RNF111: variants seen among roughly 807,000 people sequenced by gnomAD.
RNF111 encodes the protein E3 ubiquitin-protein ligase Arkadia.
Under a neutral mutation model 95.1 loss-of-function variants are expected in RNF111, and 17 were observed. The ratio of observed to expected loss-of-function variants is 0.18; its 90% confidence interval spans 0.12 to 0.27. RNF111 has a LOEUF of 0.27. Ranked by LOEUF, RNF111 falls within the 10% of genes least tolerant of loss-of-function variation. The pLI is 1.00. For synonymous variants in RNF111, 440 were observed against 414.8 expected (o/e 1.06, Z -0.74); for missense variants, 1,189 against 1,210.4 (o/e 0.98, Z 0.26).
At chr15:59,000,325 G>A (rs1175256138) in intron 1 of RNF111, among the ~76,000 whole-genome samples, 6 of 151,754 alleles carry the variant, frequency 4.0e-5, no homozygotes, top group African/African-American at 1.5e-4. Flanking sequence ...CACCACACTT[G>A]GCTCATTTTT....
rs759048789 is a variant in RNF111 at position 59,094,915 on chromosome 15, A to C, written c.*15A>C. ...GTGAAAGTTGACACCATGTTTCAGA[A>C]CTCTTGCCCTCCCTCTCATTCCCAT... On this transcript the variant is annotated 3_prime_UTR_variant, in exon 14 of 14. Coordinates refer to ENST00000348370, the MANE Select transcript of RNF111 (RefSeq NM_017610.8). 44 of 1,418,296 alleles carry C rather than the reference A, an allele frequency of 3.1e-5. No homozygotes were observed. The highest frequency in any genetic ancestry group is 4.1e-5 in the Non-Finnish European group (41 of 1,001,696). The allele number at this position is 1,418,296 out of a possible 1,614,324, so 87.9% of individuals were successfully genotyped here.
At chr15:59,016,798 G>T (rs2040088284) in intron 1 of RNF111, among the ~76,000 whole-genome samples, 1 of 152,168 alleles carries the variant, frequency 6.6e-6, no homozygotes, top group Admixed American at 6.5e-5. Context: ...TGGTGGATGA[G>T]TAGTGAAGCT....
chr15:59,085,079 G>A (rs1396253073), intron 9 of RNF111, among the ~76,000 whole-genome samples: 3 of 152,170 alleles, frequency 2.0e-5, no homozygotes, highest in African/African-American at 7.2e-5. Context: ...TTAATTTTCT[G>A]AATCCATTGT....
chr15:59,007,479 T>A (rs1185259814), intron 1 of RNF111, among the ~76,000 whole-genome samples: 1 of 152,228 alleles, frequency 6.6e-6, no homozygotes, highest in Non-Finnish European at 1.5e-5. Context: ...ACTTGGAGAT[T>A]TATTTTTTCT....
At chr15:59,070,331 C>G (rs1271103982) in intron 6 of RNF111, among the ~76,000 whole-genome samples, 2 of 151,850 alleles carry the variant, frequency 1.3e-5, no homozygotes, top group African/African-American at 4.8e-5. Flanking sequence ...TTTTTATTTT[C>G]CCTTTATTCT....
chr15:59,074,263 A>G (rs1596280584), intron 6 of RNF111, among the ~76,000 whole-genome samples: 1 of 152,212 alleles, frequency 6.6e-6, no homozygotes, highest in East Asian at 1.9e-4. Context: ...AGACCCTAAC[A>G]AGAATCATCC....
chr15:59,036,864 C>T (rs1229496231), intron 2 of RNF111, among the ~76,000 whole-genome samples: 1 of 152,066 alleles, frequency 6.6e-6, no homozygotes. Flanking sequence ...ACAGTCTTAT[C>T]TGTTGTCCAG....
intron 6 of RNF111, among the ~76,000 whole-genome samples, chr15:59,071,610 G>A (rs1280763295): frequency 2.0e-5 from 3 of 151,378 alleles, no homozygotes; most frequent in African/African-American, 4.9e-5. Flanking sequence ...CAGGAGAATC[G>A]CTTGAGCCTA....
chr15:59,071,822 T>G (rs753558922), intron 6 of RNF111, among the ~76,000 whole-genome samples: 1 of 152,150 alleles, frequency 6.6e-6, no homozygotes, highest in Non-Finnish European at 1.5e-5. Context: ...CAAGCATACC[T>G]TGGAGATACT....
At chr15:58,989,442 GGT>G (rs2038711474) in intron 1 of RNF111, among the ~76,000 whole-genome samples, 1 of 152,116 alleles carries the variant, frequency 6.6e-6, no homozygotes, top group South Asian at 2.1e-4. Context: ...AATTGGTGAG[GGT>G]GTTTATAAAT....
rs1385518488 is a variant in RNF111, at chr15:59,031,105, C to T, written c.283C>T (p.Arg95Cys). Residue 95 changes from arginine to cysteine, a missense_variant, in exon 2 of 14, where the codon CGC becomes TGC. This residue lies in a region of RNF111 where 1,024 missense variants were observed against 925.9 expected (regional missense o/e 1.11). Coordinates refer to ENST00000348370, the MANE Select transcript of RNF111 (RefSeq NM_017610.8). ...AAAAAGTCTCGTTGTGAGGAAAAAACGCAAAAGCCAGCAGGCTGGCCCTTC... is the reference window on the plus strand; with the variant it reads ...AAAAAGTCTCGTTGTGAGGAAAAAATGCAAAAGCCAGCAGGCTGGCCCTTC... ...QEKSLVVRKK[R>C]KSQQAGPSYV... The T allele has an allele frequency of 3.3e-5, 53 of 1,614,182 alleles. No homozygotes were observed. The highest frequency in any genetic ancestry group is 4.1e-5 in the Non-Finnish European group (48 of 1,180,026).
Position 59,092,607 on chromosome 15 carries a change from G to C in RNF111, c.2810G>C (p.Cys937Ser), listed in dbSNP as rs2140252899. Reference sequence around the variant, plus strand: ...GACACAGAGGAAAAATGTACTATCTGTTTGTCTATTTTAGAGGAAGGTGAA... The same window carrying C: ...GACACAGAGGAAAAATGTACTATCTCTTTGTCTATTTTAGAGGAAGGTGAA... ...EEDTEEKCTI[C>S]LSILEEGEDV... Residue 937 changes from cysteine (C) to serine (S), a missense_variant, in exon 13 of 14, where the codon TGT becomes TCT. Cys to Ser is a moderately radical substitution (Grantham distance 112). Around this residue, in one of 2 missense-constraint regions of RNF111, gnomAD observed 165 missense variants for 284.6 expected, o/e 0.58. Transcript: ENST00000348370. 1 of 1,612,362 alleles carries C rather than the reference G, an allele frequency of 6.2e-7. No individual in the cohort carries two copies. Among genetic ancestry groups the C allele is most frequent in the Non-Finnish European group, 8.5e-7 (1 of 1,178,842 alleles).
At chr15:59,003,656 C>G (rs2039420991) in intron 1 of RNF111, among the ~76,000 whole-genome samples, 1 of 152,236 alleles carries the variant, frequency 6.6e-6, no homozygotes, top group African/African-American at 2.4e-5. Flanking sequence ...CCTGCCTCAG[C>G]CTCCCAAACT....
chr15:59,080,939 C>G lies in RNF111; in HGVS notation c.1952C>G (p.Ala651Gly). The G allele has an allele frequency of 6.2e-7, 1 of 1,605,868 alleles. No homozygotes were observed. The highest frequency in any genetic ancestry group is 8.5e-7 in the Non-Finnish European group (1 of 1,175,454). Residue 651 changes from alanine (A) to glycine (G), a missense_variant, in exon 8 of 14, where the codon GCC becomes GGC. Coordinates refer to ENST00000348370, the MANE Select transcript of RNF111 (RefSeq NM_017610.8). The stretch of plus-strand genomic sequence containing the variant: ...ACTCAAAATATTTTTCTTGCAGATG[C>G]CTCTTTGACAAGGCCACTTCATCAT... The part of the protein sequence containing the change: ...SCRHYMPPPY[A>G]SLTRPLHHQA...
chr15:59,065,331 C>A lies in RNF111; in HGVS notation c.1367-1433C>A, dbSNP rs78754862. ...CTAGGTTTTAAATGAATTTGAAACA[C>A]TGGGACAGACTTTCAGAGGATACTT... is the stretch of plus-strand genomic sequence containing the variant. On this transcript the variant is annotated intron_variant, in intron 5 of 13. Transcript: ENST00000348370. 9.7e-3 allele frequency among the ~76,000 whole-genome samples: 1,481 copies of A among 152,258 alleles called. 24 individuals carry two copies. Among genetic ancestry groups the A allele is most frequent in the African/African-American group, 0.033 (1,391 of 41,542 alleles).
chr15:59,021,398 G>A (rs1404553801), intron 1 of RNF111, among the ~76,000 whole-genome samples: 1 of 152,096 alleles, frequency 6.6e-6, no homozygotes, highest in African/African-American at 2.4e-5. Context: ...TCATCCGCCT[G>A]TCTCGGCCTC....
intron 3 of RNF111, among the ~76,000 whole-genome samples, chr15:59,054,237 T>C (rs1228230821): frequency 1.3e-5 from 2 of 152,148 alleles, no homozygotes; most frequent in Non-Finnish European, 2.9e-5. Flanking sequence ...ACGCCTGGCC[T>C]GGCCCTTTCA....
chr15:58,997,676 C>T (rs547307351), intron 1 of RNF111, among the ~76,000 whole-genome samples: 23 of 151,144 alleles, frequency 1.5e-4, no homozygotes, highest in Non-Finnish European at 2.9e-4. Context: ...ATTAGCAGGG[C>T]GTGGTGGCAT....
intron 1 of RNF111, among the ~76,000 whole-genome samples, chr15:59,001,461 G>T (rs1250065031): frequency 6.6e-6 from 1 of 152,014 alleles, no homozygotes; most frequent in African/African-American, 2.4e-5. Context: ...TATCAGTTTA[G>T]TGGGGATTGG....
Sources: gnomAD v4.1 joint callset for allele counts (sites outside exome capture counted in the v4.1 genomes callset) on GRCh38, gnomAD v4.1.1 for gene constraint, gnomAD v4.1.1 regional missense constraint, MANE v1.5 for transcripts, NCBI Gene and HGNC (gene_info 2026-07-23, HGNC 2026-07-21) for gene names.